Variants in CABIN1 observed in about 807,000 individuals in gnomAD.
CABIN1 encodes the protein calcineurin binding protein 1.
Under a neutral mutation model 227.7 loss-of-function variants are expected in CABIN1, and 133 were observed. The observed-to-expected ratio is 0.58, with a 90% confidence interval of 0.51 to 0.67. The LOEUF (loss-of-function observed/expected upper bound fraction) is 0.67. Ranked by LOEUF, CABIN1 falls within the 30% of genes least tolerant of loss-of-function variation. CABIN1 has a pLI of 0.00. For missense variants in CABIN1, 2,408 were observed against 2,852.5 expected (o/e 0.84, Z 3.55); for synonymous variants, 1,086 against 1,155.1 (o/e 0.94, Z 1.21).
intron 28 of CABIN1, among the ~76,000 whole-genome samples, chr22:24,126,268 A>C (rs910280180): frequency 2.6e-5 from 4 of 152,166 alleles, no homozygotes; most frequent in African/African-American, 9.7e-5. Flanking sequence ...GCAGCTAGTG[A>C]TGAGTAGGAA....
intron 28 of CABIN1, among the ~76,000 whole-genome samples, chr22:24,124,484 C>A (rs957145056): frequency 1.3e-5 from 2 of 152,336 alleles, no homozygotes; most frequent in Middle Eastern, 3.4e-3. Flanking sequence ...CCTGGACCCC[C>A]CAAGGCAGTC....
At position 24,059,995 on chromosome 22, in the gene CABIN1, T is replaced by C; in HGVS notation, c.1471T>C (p.Tyr491His). 1 of 1,614,232 alleles carries C rather than the reference T, an allele frequency of 6.2e-7. No homozygotes were observed. Among genetic ancestry groups the C allele is most frequent in the Non-Finnish European group, 8.5e-7 (1 of 1,180,038 alleles). Residue 491 changes from tyrosine (Y) to histidine (H), a missense_variant, in exon 12 of 37, where the codon TAC becomes CAC. Physicochemically the swap from Tyr to His is moderately conservative, Grantham distance 83. Transcript: ENST00000263119. The part of the protein sequence containing the change: ...NGGILELMMR[Y>H]LKAMGHKFLV... ...GGGCATCCTGGAGCTGATGATGCGC[T>C]ACCTGAAAGCCATGGGCCACAAGTT...
intron 35 of CABIN1, among the ~76,000 whole-genome samples, chr22:24,176,961 C>T (rs1390645265): frequency 1.3e-5 from 2 of 152,222 alleles, no homozygotes; most frequent in African/African-American, 4.8e-5. Context: ...CCGGGTCCTC[C>T]CAGCTCGTGC....
chr22:24,172,423 T>G (rs1257092831), intron 34 of CABIN1, among the ~76,000 whole-genome samples: 1 of 152,226 alleles, frequency 6.6e-6, no homozygotes, highest in Non-Finnish European at 1.5e-5. Flanking sequence ...GCAAGGCCAC[T>G]GGTATCCGGC....
At chr22:24,091,475 G>C (rs760952582) in intron 23 of CABIN1, 108 bp from the exon 24 acceptor site, 2 of 1,335,818 alleles carry the variant, frequency 1.5e-6, no homozygotes, top group Non-Finnish European at 2.1e-6. Context: ...TGGTTGTTAA[G>C]AGGAGTATAA....
At position 24,178,116 on chromosome 22, in the gene CABIN1, C is replaced by G; in HGVS notation, c.6583C>G (p.Leu2195Val). 1.9e-6 allele frequency: 3 copies of G among 1,613,878 alleles called. No individual in the cohort carries two copies. The highest frequency in any genetic ancestry group is 1.7e-6 in the Non-Finnish European group (2 of 1,179,970). The change falls in exon 37 of 37, where the codon CTG becomes GTG. Residue 2195 changes from leucine to valine, a missense_variant. This residue lies in a region of CABIN1 where 714 missense variants were observed against 773.8 expected (regional missense o/e 0.92). Coordinates refer to ENST00000263119, the MANE Select transcript of CABIN1 (RefSeq NM_012295.4). ...GAAGGAGAGCCTATGCCAGCCAGCC[C>G]TGGAGGTCCTGGAGACATCCAGCCA... ...VRKESLCQPALEVLETSSQES... is the reference protein window; with the variant it reads ...VRKESLCQPAVEVLETSSQES...
chr22:24,093,692 C>G (rs1479778267), intron 24 of CABIN1, among the ~76,000 whole-genome samples: 2 of 151,806 alleles, frequency 1.3e-5, no homozygotes, highest in Non-Finnish European at 2.9e-5. Flanking sequence ...TAGCGGGCAA[C>G]ATGATGAGAC....
chr22:24,045,370 C>G (rs1368700012), intron 6 of CABIN1, among the ~76,000 whole-genome samples: 2 of 152,014 alleles, frequency 1.3e-5, no homozygotes, highest in East Asian at 3.8e-4. Context: ...TCCCAACACT[C>G]TAGGAGGCTG....
intron 26 of CABIN1, among the ~76,000 whole-genome samples, chr22:24,107,927 C>T (rs971087154): frequency 1.3e-5 from 2 of 152,224 alleles, no homozygotes; most frequent in African/African-American, 2.4e-5. Context: ...GCTGAGGAGA[C>T]CCAGCCCTAG....
At chr22:24,043,367 A>G (rs1268524118) in intron 6 of CABIN1, among the ~76,000 whole-genome samples, 1 of 104,638 alleles carries the variant, frequency 9.6e-6, no homozygotes, top group Non-Finnish European at 1.8e-5. Context: ...AGAAGTGGCT[A>G]TCTTATTTCC....
At position 24,119,641 on chromosome 22, in the gene CABIN1, G is replaced by A. The variant is rs1215476745; in HGVS notation, c.4575G>A (p.Gln1525=). The part of the protein sequence containing the change: ...SFRLCLSRFP[Q]HYKSLYRLAF... Reference sequence around the variant, plus strand: ...GCCTGTGCCTGAGCCGCTTCCCCCAGCACTATAAGAGTCTCTACCGTCTGG... The same window carrying A: ...GCCTGTGCCTGAGCCGCTTCCCCCAACACTATAAGAGTCTCTACCGTCTGG... The change falls in exon 28 of 37, where the codon CAG becomes CAA. Residue 1525 remains glutamine, a synonymous_variant. Coordinates refer to ENST00000263119, the MANE Select transcript of CABIN1 (RefSeq NM_012295.4). 1 of 1,613,984 alleles carries A rather than the reference G, an allele frequency of 6.2e-7. No individual in the cohort carries two copies. Among genetic ancestry groups the A allele is most frequent in the South Asian group, 1.1e-5 (1 of 91,090 alleles).
intron 7 of CABIN1, among the ~76,000 whole-genome samples, chr22:24,049,711 C>G (rs2038174256): frequency 6.6e-6 from 1 of 152,204 alleles, no homozygotes; most frequent in African/African-American, 2.4e-5. Context: ...CTGCTTTTCC[C>G]TCCCAGGCTC....
At chr22:24,046,515 T>C (rs985543134) in intron 6 of CABIN1, among the ~76,000 whole-genome samples, 1 of 152,152 alleles carries the variant, frequency 6.6e-6, no homozygotes, top group Admixed American at 6.5e-5. Flanking sequence ...GGTTCAGCCT[T>C]CCTTCCTCAA....
chr22:24,045,124 C>T (rs113821838), intron 6 of CABIN1, among the ~76,000 whole-genome samples: 331 of 152,304 alleles, frequency 2.2e-3, no homozygotes, highest in Non-Finnish European at 4.1e-3. Context: ...CAGGGTTTCA[C>T]CGTGTTAGCC....
intron 18 of CABIN1, 118 bp from the exon 19 acceptor site, chr22:24,076,051 C>A: frequency 1.6e-5 from 11 of 674,028 alleles, no homozygotes; most frequent in Non-Finnish European, 2.4e-5. Context: ...AAGGAAAAGT[C>A]TGTAGTCATG....
At chr22:24,176,766 G>T (rs2047136340) in intron 35 of CABIN1, among the ~76,000 whole-genome samples, 1 of 152,216 alleles carries the variant, frequency 6.6e-6, no homozygotes, top group Admixed American at 6.5e-5. Flanking sequence ...AGTCCGGCCT[G>T]TTCCCACCAG....
At chr22:24,157,094 G>A (rs1398614665) in intron 29 of CABIN1, among the ~76,000 whole-genome samples, 3 of 152,176 alleles carry the variant, frequency 2.0e-5, no homozygotes, top group African/African-American at 4.8e-5. Context: ...GTGGGCGGAG[G>A]CCAGGGCGCC....
Position 24,042,921 on chromosome 22 carries a change from C to T in CABIN1, c.363C>T (p.Ser121=). Residue 121 remains serine, a synonymous_variant, in exon 6 of 37, where the codon TCC becomes TCT. Transcript: ENST00000263119. ...EFYLEAVMLD[S]TDVNLWYKIG... ...GCTTCCAGGCAGTGATGCTGGACTC[C>T]ACAGATGTCAACCTCTGGTATAAGA... 1 of 1,587,010 alleles carries T rather than the reference C, an allele frequency of 6.3e-7. No homozygotes were observed.
At chr22:24,073,201 T>C (rs1009122298) in intron 18 of CABIN1, among the ~76,000 whole-genome samples, 2 of 152,112 alleles carry the variant, frequency 1.3e-5, no homozygotes, top group African/African-American at 4.8e-5. Context: ...TGCAGCTAAA[T>C]GACACTTAAA....
Sources: allele counts gnomAD v4.1 joint callset (sites outside exome capture counted in the v4.1 genomes callset), GRCh38; gene constraint gnomAD v4.1.1; regional missense constraint gnomAD v4.1.1; transcripts MANE v1.5; gene names NCBI Gene and HGNC (gene_info 2026-07-23, HGNC 2026-07-21).